Variants in TBL1Y observed in about 807,000 individuals in gnomAD.
The protein encoded by TBL1Y is transducin beta like 1 Y-linked.
In TBL1Y, 15 loss-of-function variants were observed where a neutral mutation model predicts 12.0. The observed-to-expected ratio is 1.25, with a 90% CI of 0.83 to 1.92. The LOEUF (loss-of-function observed/expected upper bound fraction) is 1.92, where lower values mean the gene tolerates loss of function less well. Among genes scored for constraint, TBL1Y ranks in the 40% most tolerant of loss-of-function variants. TBL1Y has a pLI of 0.00. For missense variants in TBL1Y, 148 were observed against 116.7 expected (o/e 1.27, Z -1.24); for synonymous variants, 53 against 42.6 (o/e 1.24, Z -0.95).
At chrY:7,031,142 A>C in intron 6 of TBL1Y, among the ~76,000 whole-genome samples, 1 of 33,418 alleles carries the variant, frequency 3.0e-5, no homozygotes, top group East Asian at 7.9e-4. Context: ...GATGTCATTC[A>C]GATGAGTTAC....
chrY:7,063,209 C>T, intron 7 of TBL1Y, among the ~76,000 whole-genome samples: 5 of 33,243 alleles, frequency 1.5e-4, no homozygotes, highest in South Asian at 7.0e-4. Flanking sequence ...AGTTTTGGTG[C>T]CGCAAAAGAA....
intron 4 of TBL1Y, among the ~76,000 whole-genome samples, chrY:7,005,358 G>A: frequency 3.1e-5 from 1 of 32,689 alleles, no homozygotes; most frequent in South Asian, 7.0e-4. Flanking sequence ...GAGCTTGAGA[G>A]TTTAATGCTA....
At chrY:7,060,736 T>C (rs2012858644) in intron 7 of TBL1Y, among the ~76,000 whole-genome samples, 1 of 33,636 alleles carries the variant, frequency 3.0e-5, no homozygotes, top group South Asian at 6.6e-4. Flanking sequence ...GGTTCCTTCC[T>C]GGTTCTGTAA....
At chrY:7,026,492 A>G in intron 6 of TBL1Y, among the ~76,000 whole-genome samples, 1 of 33,672 alleles carries the variant, frequency 3.0e-5, no homozygotes, top group South Asian at 6.8e-4. Context: ...CATGGCATGT[A>G]GTTTAGCATT....
At chrY:6,956,656 T>C in intron 2 of TBL1Y, among the ~76,000 whole-genome samples, 1 of 32,614 alleles carries the variant, frequency 3.1e-5, no homozygotes, top group Non-Finnish European at 7.5e-5. Context: ...TCTAGCTCCC[T>C]CCTATGGACC....
chrY:6,951,588 C>T (rs2012026941), intron 2 of TBL1Y, among the ~76,000 whole-genome samples: 2 of 32,954 alleles, frequency 6.1e-5, no homozygotes, highest in African/African-American at 1.2e-4. Context: ...GTCTTGCTAG[C>T]GGTCTATCAG....
rs1159181810 is a variant in TBL1Y, at chrY:7,071,825, G to C, written c.889G>C (p.Asp297His). The change falls in exon 12 of 19, where the codon GAC becomes CAC. Residue 297 changes from aspartate to histidine, a missense_variant. Asp to His is a moderately conservative substitution (Grantham distance 81, BLOSUM62 -1). Transcript: ENST00000383032. ...KGNYVLSAGVDKTTIIWDAHT... is the reference protein window; with the variant it reads ...KGNYVLSAGVHKTTIIWDAHT... The stretch of plus-strand genomic sequence containing the variant: ...GAATTATGTTTTGAGTGCTGGTGTA[G>C]ACAAAGTGAGTATTAGCTTAAAATA... 2.6e-6 allele frequency: 1 copy of C among 387,538 alleles called. No homozygotes were observed.
intron 7 of TBL1Y, among the ~76,000 whole-genome samples, chrY:7,051,812 A>T: frequency 3.0e-5 from 1 of 33,890 alleles, no homozygotes. Flanking sequence ...CAATTCCACA[A>T]TTTTAGAAAC....
At chrY:6,980,266 G>C in intron 3 of TBL1Y, among the ~76,000 whole-genome samples, 1 of 33,914 alleles carries the variant, frequency 2.9e-5, no homozygotes, top group Non-Finnish European at 7.3e-5. Flanking sequence ...TTCTATCTAG[G>C]TTCTTGGCAC....
intron 3 of TBL1Y, among the ~76,000 whole-genome samples, chrY:6,990,800 A>T: frequency 3.2e-5 from 1 of 31,276 alleles, no homozygotes. Context: ...CTCGTTATCT[A>T]CCTGCCTCAG....
chrY:6,985,726 A>C (rs2124130318), intron 3 of TBL1Y, among the ~76,000 whole-genome samples: 2 of 32,708 alleles, frequency 6.1e-5, no homozygotes, highest in African/African-American at 2.4e-4. Context: ...CAGGGGTGGC[A>C]ACACGCTGTG....
At chrY:7,075,262 G>A (rs2013054882) in intron 13 of TBL1Y, among the ~76,000 whole-genome samples, 2 of 33,515 alleles carry the variant, frequency 6.0e-5, no homozygotes, top group Non-Finnish European at 1.5e-4. Flanking sequence ...GTCCACATCT[G>A]TTATTCCACG....
At position 7,025,135 on chromosome Y, in the gene TBL1Y, G is replaced by T. The variant is rs1456619099; in HGVS notation, c.51G>T (p.Gln17His). 3 of 397,041 alleles carry T rather than the reference G, an allele frequency of 7.6e-6. No homozygotes were observed. The change falls in exon 6 of 19, where the codon CAG becomes CAT. Residue 17 changes from glutamine (Q) to histidine (H), a missense_variant. Transcript: ENST00000383032. ...EVNFLVYRYL[Q>H]ESGFSHSAFT... ...ACTTTCTGGTTTATCGGTATCTCCA[G>T]GAGTCAGGTAAGAGGCTTGGTTTTC...
chrY:7,043,010 T>A lies in TBL1Y; in HGVS notation c.89T>A (p.Ile30Asn). Residue 30 changes from isoleucine to asparagine, a missense_variant, in exon 7 of 19, where the codon ATC (isoleucine) becomes AAC (asparagine). By Grantham distance (149) the Ile-to-Asn change is moderately radical. Transcript: ENST00000383032. ...TCTCACTCGGCTTTCACGTTTGGGA[T>A]CGAGAGCCACATCAGCCAGTCCAAC... ...GFSHSAFTFG[I>N]ESHISQSNIN... The A allele has an allele frequency of 3.0e-5, 12 of 398,179 alleles. No homozygotes were observed. The highest frequency in any genetic ancestry group is 4.2e-5 in the Non-Finnish European group (12 of 283,550).
At chrY:7,009,643 A>G in intron 4 of TBL1Y, among the ~76,000 whole-genome samples, 1 of 33,514 alleles carries the variant, frequency 3.0e-5, no homozygotes, top group Non-Finnish European at 7.3e-5. Context: ...AAACATGCAT[A>G]CATGAGTGAA....
chrY:7,080,911 A>G, intron 14 of TBL1Y, 58 bp downstream of exon 14: 1 of 386,895 alleles, frequency 2.6e-6, no homozygotes, highest in Middle Eastern at 6.0e-4. Flanking sequence ...GTGGGAGCCA[A>G]TTCTTGTATG....
At chrY:7,000,587 A>C (rs2012441464) in intron 4 of TBL1Y, among the ~76,000 whole-genome samples, 2 of 33,881 alleles carry the variant, frequency 5.9e-5, no homozygotes, top group Non-Finnish European at 1.5e-4. Context: ...GCAGCAACTA[A>C]GACTAAACCT....
intron 4 of TBL1Y, among the ~76,000 whole-genome samples, chrY:7,017,299 A>G: frequency 3.0e-5 from 1 of 33,445 alleles, no homozygotes; most frequent in Non-Finnish European, 7.4e-5. Context: ...AAATAATAAA[A>G]TGGTTAAATT....
At chrY:7,088,118 A>G (rs2013151602) in intron 17 of TBL1Y, among the ~76,000 whole-genome samples, 1 of 32,755 alleles carries the variant, frequency 3.1e-5, no homozygotes, top group African/African-American at 1.2e-4. Context: ...GGAGAATCCC[A>G]CTAAAAAGAG....
Sources: allele counts gnomAD v4.1 joint callset (sites outside exome capture counted in the v4.1 genomes callset), GRCh38; gene constraint gnomAD v4.1.1; transcripts MANE v1.5; gene names NCBI Gene and HGNC (gene_info 2026-07-23, HGNC 2026-07-21).